Variants in SZT2 observed in about 807,000 individuals in gnomAD.
The protein encoded by SZT2 is KICSTOR complex protein SZT2.
In SZT2, 216 loss-of-function variants were observed where a neutral mutation model predicts 404.2. The ratio of observed to expected loss-of-function variants is 0.53; its 90% CI spans 0.48 to 0.60. The LOEUF (loss-of-function observed/expected upper bound fraction) is 0.60. Ranked by LOEUF, SZT2 falls within the 20% of genes least tolerant of loss-of-function variation. The probability of loss-of-function intolerance (pLI) is 0.00; values close to 1 mark genes in which losing one functional copy is unlikely to be tolerated. For synonymous variants in SZT2, 1,693 were observed against 1,749.9 expected (o/e 0.97, Z 0.81); for missense variants, 3,857 against 4,459.2 (o/e 0.86, Z 3.85).
At chr1:43,416,424 C>T (rs1395777729) in intron 6 of SZT2, 111 bp from the exon 7 acceptor site, 2 of 827,994 alleles carry the variant, frequency 2.4e-6, no homozygotes, top group South Asian at 1.6e-5. Flanking sequence ...ATGAAACTGC[C>T]GACATTGGTG....
At chr1:43,449,149 G>C (rs1280502077) in intron 70 of SZT2, 1 of 201,742 alleles carries the variant, frequency 5.0e-6, no homozygotes, top group Non-Finnish European at 1.0e-5. Flanking sequence ...TCAGACTGTT[G>C]ACTCGGGATC....
rs1355615901 is a variant in SZT2 at position 43,452,338 on chromosome 1, G to C, written c.*1858G>C. 1 of 1,593,558 alleles carries C rather than the reference G, an allele frequency of 6.3e-7. No individual in the cohort carries two copies. Among genetic ancestry groups the C allele is most frequent in the Non-Finnish European group, 8.6e-7 (1 of 1,162,702 alleles). On this transcript the variant is annotated 3_prime_UTR_variant, in exon 72 of 72. Transcript: ENST00000634258. The stretch of plus-strand genomic sequence containing the variant: ...GTGGATCCTGTGGGGAAGATGGACT[G>C]GAGGCCTTGCCTCCCTTGGCTCTCT...
chr1:43,438,299 A>G, intron 46 of SZT2: 1 of 340,678 alleles, frequency 2.9e-6, no homozygotes, highest in Non-Finnish European at 5.6e-6. Flanking sequence ...CGGGGTGAAG[A>G]GGATGGTTAT....
Position 43,430,708 on chromosome 1 carries a change from C to G in SZT2, c.4693C>G (p.Leu1565Val). The G allele has an allele frequency of 6.2e-7, 1 of 1,613,820 alleles. No homozygotes were observed. The highest frequency in any genetic ancestry group is 8.5e-7 in the Non-Finnish European group (1 of 1,180,046). ...PESFLHDLPP[L>V]FLHLTCSVRL... Reference sequence around the variant, plus strand: ...GAGCTTCCTTCATGACCTGCCACCGCTCTTCCTGCACCTCACGTGCTCCGT... The same window carrying G: ...GAGCTTCCTTCATGACCTGCCACCGGTCTTCCTGCACCTCACGTGCTCCGT... The change falls in exon 32 of 72, where the codon CTC (leucine) becomes GTC (valine). Residue 1565 changes from leucine to valine, a missense_variant. Around this residue, in one of 7 missense-constraint regions of SZT2, gnomAD observed 1,725 missense variants for 1,881.0 expected, o/e 0.92. Transcript: ENST00000634258.
chr1:43,443,053 C>G lies in SZT2; in HGVS notation c.8386C>G (p.Gln2796Glu). The stretch of plus-strand genomic sequence containing the variant: ...TGATCCTGTCACCTACCATGGACAA[C>G]AGTTCCTAGAGATCAAGATGGCAGA... ...PPDPVTYHGQ[Q>E]FLEIKMAERR... Residue 2796 changes from glutamine (Q) to glutamate (E), a missense_variant, in exon 59 of 72, where the codon CAG (glutamine) becomes GAG (glutamate). Gln to Glu is a conservative substitution (Grantham distance 29). Transcript: ENST00000634258. 6.2e-7 allele frequency: 1 copy of G among 1,613,332 alleles called. No homozygotes were observed. Among genetic ancestry groups the G allele is most frequent in the Non-Finnish European group, 8.5e-7 (1 of 1,179,486 alleles).
intron 66 of SZT2, 70 bp downstream of exon 66, chr1:43,447,238 G>A: frequency 1.3e-6 from 2 of 1,496,416 alleles, no homozygotes; most frequent in Non-Finnish European, 1.8e-6. Flanking sequence ...GTCAGGGCTG[G>A]TGGGACCACC....
rs1483131228 is a variant in SZT2, at chr1:43,389,940, G to T, written c.-29G>T. On this transcript the variant is annotated 5_prime_UTR_variant, in exon 1 of 72. Transcript: ENST00000634258. ...GGGTCAAGAGTGGAACACCCTCACTGGCCCGGGCCGGCGCGGGAGGGCTGT... is the reference window on the plus strand; with the variant it reads ...GGGTCAAGAGTGGAACACCCTCACTTGCCCGGGCCGGCGCGGGAGGGCTGT... The T allele has an allele frequency of 6.8e-7, 1 of 1,472,066 alleles. No homozygotes were observed. The allele number at this position is 1,472,066 out of a possible 1,614,324, so 91.2% of individuals were successfully genotyped here.
At chr1:43,398,987 G>A (rs1308834713) in intron 1 of SZT2, among the ~76,000 whole-genome samples, 2 of 152,082 alleles carry the variant, frequency 1.3e-5, no homozygotes, top group Admixed American at 1.3e-4. Flanking sequence ...GGCTGAGGTG[G>A]GAGAATCGCT....
intron 62 of SZT2, 134 bp downstream of exon 62, chr1:43,443,930 T>G: frequency 9.2e-7 from 1 of 1,088,570 alleles, no homozygotes; most frequent in Non-Finnish European, 1.3e-6. Flanking sequence ...CCCACCAGGC[T>G]TGCACTCATG....
chr1:43,404,758 G>T (rs1650100748), intron 4 of SZT2: 4 of 485,332 alleles, frequency 8.2e-6, no homozygotes, highest in Non-Finnish European at 1.4e-5. Context: ...ATAGACTTCG[G>T]GTCAGTTGGT....
rs748254876 is a variant in SZT2 at position 43,439,754 on chromosome 1, G to A, written c.7027G>A (p.Val2343Met). 1.3e-6 allele frequency: 2 copies of A among 1,596,396 alleles called. No individual in the cohort carries two copies. Among genetic ancestry groups the A allele is most frequent in the Non-Finnish European group, 1.7e-6 (2 of 1,170,192 alleles). The stretch of plus-strand genomic sequence containing the variant: ...CCAGGTCATCCGCTGCCCGGTTGTT[G>A]TGGACAGTTCTTCAGGTGGGACAGC... ...LTQVIRCPVV[V>M]DSSSAQNGAP... The change falls in exon 50 of 72, where the codon GTG (valine) becomes ATG (methionine). Residue 2343 changes from valine (V) to methionine (M), a missense_variant. Transcript: ENST00000634258. This position sits in a 1 kb window ranked among gnomAD's most constrained non-coding sequence, Gnocchi z 4.2.
At chr1:43,428,216 C>T (rs1014598891) in intron 27 of SZT2, 24 bp from the exon 28 acceptor site, 1 of 1,614,048 alleles carries the variant, frequency 6.2e-7, no homozygotes, top group South Asian at 1.1e-5. Flanking sequence ...GCTCAAGCCT[C>T]ATGGCCCCTT....
chr1:43,451,425 C>CA lies in SZT2; in HGVS notation c.*946dup. ...CACGCCTCACCTCGAGGCTGATACT[C>CA]ACAGCCCACGAAGCCTTTGTAGCCT... is the stretch of plus-strand genomic sequence containing the variant. On this transcript the variant is annotated 3_prime_UTR_variant, in exon 72 of 72. Coordinates refer to ENST00000634258, the MANE Select transcript of SZT2 (RefSeq NM_001365999.1). The CA allele has an allele frequency of 6.2e-7, 1 of 1,613,216 alleles. No homozygotes were observed.
At position 43,452,502 on chromosome 1, in the gene SZT2, CT is replaced by C; in HGVS notation, c.*2025del. The C allele has an allele frequency of 1.5e-6, 1 of 686,922 alleles. No individual in the cohort carries two copies. Among genetic ancestry groups the C allele is most frequent in the Non-Finnish European group, 2.7e-6 (1 of 370,686 alleles). 42.6% of individuals were successfully genotyped at this position (686,922 alleles called of 1,614,324 possible). A position where few individuals can be genotyped will look rare whatever the true frequency, so the allele number is the denominator to read the frequency against. ...TTCAGTGATGGCTGAGGGGCAAGCCCTTTCCCAGACATCTCAGTGTCCACCC... is the reference window on the plus strand; with the variant it reads ...TTCAGTGATGGCTGAGGGGCAAGCCCTTCCCAGACATCTCAGTGTCCACCC... On this transcript the variant is annotated 3_prime_UTR_variant, in exon 72 of 72. Transcript: ENST00000634258.
Position 43,448,050 on chromosome 1 carries a change from C to G in SZT2, c.9564-29C>G, listed in dbSNP as rs1557604760. The G allele has an allele frequency of 6.2e-7, 1 of 1,606,824 alleles. No individual in the cohort carries two copies. The highest frequency in any genetic ancestry group is 8.5e-7 in the Non-Finnish European group (1 of 1,175,014). On this transcript the variant is annotated intron_variant, in intron 68 of 71. Transcript: ENST00000634258. The surrounding 1 kb of genome is among the most constrained non-coding windows in gnomAD (Gnocchi z 4.2). ...CCCTGTGTGTCTCTTGCTACAACCA[C>G]CACTCTCCTGCCCTGCTCCCCACCC...
chr1:43,443,840 T>C (rs752689850), intron 62 of SZT2, 44 bp downstream of exon 62: 36 of 1,608,274 alleles, frequency 2.2e-5, no homozygotes, highest in Non-Finnish European at 3.1e-5. Context: ...CCTCCTGCAC[T>C]GCAAGTGAGG....
At chr1:43,394,712 C>T (rs1269675509) in intron 1 of SZT2, among the ~76,000 whole-genome samples, 1 of 151,822 alleles carries the variant, frequency 6.6e-6, no homozygotes, top group East Asian at 1.9e-4. Flanking sequence ...AACCTCGTCT[C>T]TACCAAAAAT....
intron 4 of SZT2, among the ~76,000 whole-genome samples, chr1:43,407,245 T>C (rs1650425272): frequency 6.6e-6 from 1 of 152,168 alleles, no homozygotes; most frequent in Non-Finnish European, 1.5e-5. Flanking sequence ...GGCTCATGCC[T>C]GTAATCCTAG....
At chr1:43,421,145 A>G (rs766797190) in intron 10 of SZT2, 29 bp from the exon 11 acceptor site, 336 of 1,597,750 alleles carry the variant, frequency 2.1e-4, no homozygotes, top group Non-Finnish European at 2.7e-4. Context: ...AGAGTCAGAT[A>G]TGGCTCAGGC....
Sources: gnomAD v4.1 joint callset for allele counts (sites outside exome capture counted in the v4.1 genomes callset) on GRCh38, gnomAD v4.1.1 for gene constraint, gnomAD v4.1.1 regional missense constraint, Gnocchi (gnomAD v3.1) non-coding constraint, MANE v1.5 for transcripts, NCBI Gene and HGNC (gene_info 2026-07-23, HGNC 2026-07-21) for gene names.